The following MATCAP2 variants were observed in gnomAD, a reference collection of about 807,000 sequenced individuals.
The protein encoded by MATCAP2 is microtubule associated tyrosine carboxypeptidase 2.
chr7:36,326,097 G>A, the MATCAP2 span: 1 of 151,958 alleles, frequency 6.6e-6, no homozygotes, highest in East Asian at 1.9e-4. Flanking sequence ...GGTACAATAT[G>A]TTTCAGCAAA....
chr7:36,341,830 A>G, the MATCAP2 span, among the ~76,000 whole-genome samples: 12 of 152,236 alleles, frequency 7.9e-5, no homozygotes, highest in African/African-American at 2.9e-4. Context: ...GGTTCTCATC[A>G]GACACCAGAT....
At chr7:36,374,357 G>C in the MATCAP2 span, among the ~76,000 whole-genome samples, 2 of 151,954 alleles carry the variant, frequency 1.3e-5, no homozygotes, top group Non-Finnish European at 2.9e-5. Flanking sequence ...TGGGATTATA[G>C]GCATGATCTA....
chr7:36,346,324 A>G, the MATCAP2 span, among the ~76,000 whole-genome samples: 2 of 152,260 alleles, frequency 1.3e-5, no homozygotes, highest in African/African-American at 4.8e-5. Flanking sequence ...TCCATAAAAA[A>G]TGTGTACACA....
At chr7:36,373,770 A>G in the MATCAP2 span, among the ~76,000 whole-genome samples, 1 of 151,918 alleles carries the variant, frequency 6.6e-6, no homozygotes, top group Non-Finnish European at 1.5e-5. Flanking sequence ...TCCAAGTGCA[A>G]TCAGAAGCAA....
the MATCAP2 span, among the ~76,000 whole-genome samples, chr7:36,375,928 G>T: frequency 6.6e-6 from 1 of 152,070 alleles, no homozygotes; most frequent in Non-Finnish European, 1.5e-5. Flanking sequence ...TGGGATCAGT[G>T]GTGATATCCC....
the MATCAP2 span, chr7:36,333,741 C>T: frequency 1.1e-6 from 1 of 946,712 alleles, no homozygotes; most frequent in Non-Finnish European, 1.6e-6. Context: ...CCTCAGGTAA[C>T]AAAGATTTCA....
At chr7:36,355,865 A>C in the MATCAP2 span, 1 of 152,352 alleles carries the variant, frequency 6.6e-6, no homozygotes, top group African/African-American at 2.4e-5. Context: ...TGCCCTGCAG[A>C]TAAACATTAG....
At chr7:36,390,271 T>A in the MATCAP2 span, 1 of 654,548 alleles carries the variant, frequency 1.5e-6, no homozygotes, top group African/African-American at 1.8e-5. Context: ...GGAGGAAGGC[T>A]TTGAGTCTGT....
chr7:36,329,685 T>G, the MATCAP2 span, among the ~76,000 whole-genome samples: 2 of 152,220 alleles, frequency 1.3e-5, no homozygotes, highest in Non-Finnish European at 2.9e-5. Flanking sequence ...TTAGAAGATC[T>G]CTATTTTGTT....
chr7:36,336,710 G>GA, the MATCAP2 span, among the ~76,000 whole-genome samples: 6 of 148,192 alleles, frequency 4.0e-5, no homozygotes, highest in African/African-American at 5.0e-5. Flanking sequence ...CTTTGAATGA[G>GA]AAAAAAAAAA....
chr7:36,362,923 T>C, the MATCAP2 span, among the ~76,000 whole-genome samples: 2 of 152,242 alleles, frequency 1.3e-5, no homozygotes, highest in African/African-American at 2.4e-5. Flanking sequence ...AGGTTTATAT[T>C]TGTTGTATGA....
At chr7:36,381,517 A>G in the MATCAP2 span, among the ~76,000 whole-genome samples, 1 of 151,954 alleles carries the variant, frequency 6.6e-6, no homozygotes, top group Non-Finnish European at 1.5e-5. Flanking sequence ...CTAAAATACA[A>G]AAAATTAGTC....
At chr7:36,379,843 C>CAGAGAGAGAGAG in the MATCAP2 span, among the ~76,000 whole-genome samples, 62 of 127,444 alleles carry the variant, frequency 4.9e-4, no homozygotes, top group East Asian at 4.3e-3. Flanking sequence ...CACACACACA[C>CAGAGAGAGAGAG]ACACAGAGAG....
chr7:36,326,959 CA>C, the MATCAP2 span: 1 of 1,542,718 alleles, frequency 6.5e-7, no homozygotes, highest in Non-Finnish European at 8.9e-7. Context: ...AATGTAACTA[CA>C]ATGTACATTT....
chr7:36,361,972 C>T, the MATCAP2 span, among the ~76,000 whole-genome samples: 4 of 152,214 alleles, frequency 2.6e-5, no homozygotes, highest in South Asian at 6.2e-4. Context: ...TGGTATTAGA[C>T]GTCAGAATAG....
At chr7:36,339,731 T>G in the MATCAP2 span, among the ~76,000 whole-genome samples, 1 of 152,238 alleles carries the variant, frequency 6.6e-6, no homozygotes, top group Admixed American at 6.5e-5. Flanking sequence ...AAATGTGGCC[T>G]GAAGAATTGC....
chr7:36,362,800 C>T, the MATCAP2 span, among the ~76,000 whole-genome samples: 14 of 152,308 alleles, frequency 9.2e-5, no homozygotes, highest in Non-Finnish European at 1.0e-4. Flanking sequence ...AGATTAATAT[C>T]CACTCATCTT....
chr7:36,336,096 T>C, the MATCAP2 span: 37 of 1,234,286 alleles, frequency 3.0e-5, no homozygotes, highest in Middle Eastern at 2.0e-4. Flanking sequence ...TAAAATAAAA[T>C]AAAATAAACT....
chr7:36,335,451 G>C, the MATCAP2 span, among the ~76,000 whole-genome samples: 3 of 152,160 alleles, frequency 2.0e-5, no homozygotes, highest in Non-Finnish European at 4.4e-5. Context: ...GTACCTCTGA[G>C]GTGTCGTAAA....
Sources: allele counts gnomAD v4.1 joint callset (sites outside exome capture counted in the v4.1 genomes callset), GRCh38; gene constraint gnomAD v4.1.1; transcripts MANE v1.5; gene names NCBI Gene and HGNC (gene_info 2026-07-23, HGNC 2026-07-21).